Variants in PTPRR observed in about 807,000 individuals in gnomAD.
PTPRR encodes the protein receptor-type tyrosine-protein phosphatase R.
Under a neutral mutation model 77.2 loss-of-function variants are expected in PTPRR, and 38 were observed. The ratio of observed to expected loss-of-function variants is 0.49; its 90% CI spans 0.38 to 0.65. The LOEUF is 0.65. Ranked by LOEUF, PTPRR falls within the 30% of genes least tolerant of loss-of-function variation. The pLI, the probability that PTPRR is intolerant of heterozygous loss-of-function variation, is 0.00. For missense variants in PTPRR, 744 were observed against 799.2 expected, an observed-to-expected ratio of 0.93 and a Z score of 0.83; for synonymous variants, 299 against 283.1, an observed-to-expected ratio of 1.06 and a Z score of -0.57.
At chr12:70,888,778 C>T (rs759629599) in intron 2 of PTPRR, among the ~76,000 whole-genome samples, 2 of 151,992 alleles carry the variant, frequency 1.3e-5, no homozygotes, top group East Asian at 1.9e-4. Flanking sequence ...AAGAATAAGC[C>T]TAGACATCTG....
intron 4 of PTPRR, among the ~76,000 whole-genome samples, chr12:70,758,384 A>G (rs1331494210): frequency 6.7e-6 from 1 of 149,722 alleles, no homozygotes; most frequent in Non-Finnish European, 1.5e-5. Context: ...CTTTTTGTAT[A>G]GGGAGCTTCT....
At chr12:70,834,399 A>T (rs1485189967) in intron 2 of PTPRR, among the ~76,000 whole-genome samples, 1 of 152,140 alleles carries the variant, frequency 6.6e-6, no homozygotes, top group Non-Finnish European at 1.5e-5. Flanking sequence ...AAGTTTCCAC[A>T]TTTGAGATCT....
At chr12:70,733,615 T>C (rs1326443512) in intron 6 of PTPRR, among the ~76,000 whole-genome samples, 1 of 152,144 alleles carries the variant, frequency 6.6e-6, no homozygotes, top group African/African-American at 2.4e-5. Flanking sequence ...TTCATCAGGA[T>C]GTGTCTGAGA....
chr12:70,663,171 C>A (rs1230348180), intron 10 of PTPRR, among the ~76,000 whole-genome samples: 1 of 152,058 alleles, frequency 6.6e-6, no homozygotes, highest in African/African-American at 2.4e-5. Flanking sequence ...CCCGGACCAA[C>A]AGTTTTTTTC....
At chr12:70,851,784 C>A (rs1418583990) in intron 2 of PTPRR, among the ~76,000 whole-genome samples, 1 of 152,050 alleles carries the variant, frequency 6.6e-6, no homozygotes, top group Admixed American at 6.6e-5. Context: ...TTAGATGTAT[C>A]CTGATGTCAG....
chr12:70,741,642 G>C (rs376114517), intron 6 of PTPRR, among the ~76,000 whole-genome samples: 1 of 152,148 alleles, frequency 6.6e-6, no homozygotes, highest in African/African-American at 2.4e-5. Flanking sequence ...GGAAGGTGGC[G>C]TCTCGGGGTG....
chr12:70,688,091 C>G (rs1400536791), intron 8 of PTPRR, among the ~76,000 whole-genome samples: 1 of 152,166 alleles, frequency 6.6e-6, no homozygotes, highest in Non-Finnish European at 1.5e-5. Context: ...CAATAAGAAC[C>G]TTGTATCTTA....
chr12:70,648,869 T>C (rs547775178), intron 13 of PTPRR, among the ~76,000 whole-genome samples: 7 of 115,876 alleles, frequency 6.0e-5, no homozygotes, highest in Admixed American at 2.4e-4. Flanking sequence ...TTTGAACTCC[T>C]ACTTGGAAAA....
rs570442709 is a variant in PTPRR, at chr12:70,722,134, GCTTTCTTA to G, written c.1008-20819_1008-20812del. ...TTCCTTTCCCACCCACTCCTTTCCT[GCTTTCTTA>G]CTACCAGAACCCAGGGTCCTTTTAG... On this transcript the variant is annotated intron_variant, in intron 6 of 13. Coordinates refer to ENST00000283228, the MANE Select transcript of PTPRR (RefSeq NM_002849.4). Among the ~76,000 whole-genome samples, 373 of 152,170 alleles carry G rather than the reference GCTTTCTTA, an allele frequency of 2.5e-3. 1 individual carries two copies. Among genetic ancestry groups the G allele is most frequent in the African/African-American group, 8.6e-3 (356 of 41,508 alleles).
intron 2 of PTPRR, among the ~76,000 whole-genome samples, chr12:70,836,750 C>T (rs1892311408): frequency 6.6e-6 from 1 of 151,958 alleles, no homozygotes; most frequent in Non-Finnish European, 1.5e-5. Flanking sequence ...ATTCACCCTT[C>T]AGATTTCACC....
chr12:70,816,987 A>G (rs1462062818), intron 2 of PTPRR, among the ~76,000 whole-genome samples: 1 of 152,152 alleles, frequency 6.6e-6, no homozygotes, highest in African/African-American at 2.4e-5. Context: ...GTCTATTAAC[A>G]GGTCATCTCA....
intron 2 of PTPRR, among the ~76,000 whole-genome samples, chr12:70,812,573 A>C (rs1318200680): frequency 2.6e-5 from 4 of 152,174 alleles, no homozygotes; most frequent in Non-Finnish European, 5.9e-5. Flanking sequence ...TCCCTAACCC[A>C]CGTTTCCCAT....
chr12:70,672,674 T>C, intron 10 of PTPRR: 11 of 1,546,050 alleles, frequency 7.1e-6, no homozygotes, highest in Non-Finnish European at 9.7e-6. Flanking sequence ...AACCAGATGG[T>C]GGTCAAGACA....
intron 1 of PTPRR, among the ~76,000 whole-genome samples, chr12:70,900,692 C>A (rs995845978): frequency 1.3e-5 from 2 of 151,208 alleles, no homozygotes; most frequent in Non-Finnish European, 3.0e-5. Context: ...AAAAATTAAC[C>A]CAGTGAAAAG....
chr12:70,808,570 C>A (rs1212310690), intron 2 of PTPRR, among the ~76,000 whole-genome samples: 1 of 152,050 alleles, frequency 6.6e-6, no homozygotes, highest in African/African-American at 2.4e-5. Flanking sequence ...ACACTTAGGG[C>A]AAATAGGAAA....
intron 2 of PTPRR, among the ~76,000 whole-genome samples, chr12:70,857,704 T>A (rs1377002262): frequency 6.6e-6 from 1 of 152,126 alleles, no homozygotes; most frequent in Non-Finnish European, 1.5e-5. Context: ...TAAGATTGTC[T>A]ATGAATGCGA....
At chr12:70,686,870 A>G (rs765447159) in intron 8 of PTPRR, among the ~76,000 whole-genome samples, 3 of 152,144 alleles carry the variant, frequency 2.0e-5, no homozygotes, top group Non-Finnish European at 4.4e-5. Context: ...GCACACAGAA[A>G]TTGTGAGATA....
At chr12:70,799,994 G>A (rs1322757540) in intron 2 of PTPRR, among the ~76,000 whole-genome samples, 1 of 152,158 alleles carries the variant, frequency 6.6e-6, no homozygotes, top group Admixed American at 6.6e-5. Context: ...AGCCTAGACA[G>A]TTCTCGTCTC....
chr12:70,816,126 T>A (rs1053734474), intron 2 of PTPRR, among the ~76,000 whole-genome samples: 3 of 152,178 alleles, frequency 2.0e-5, no homozygotes, highest in African/African-American at 7.2e-5. Flanking sequence ...AATTCATTAT[T>A]CTTTACCTTT....
Sources: allele counts gnomAD v4.1 joint callset (sites outside exome capture counted in the v4.1 genomes callset), GRCh38; gene constraint gnomAD v4.1.1; transcripts MANE v1.5; gene names NCBI Gene and HGNC (gene_info 2026-07-23, HGNC 2026-07-21).